Variants in RBPMS observed in about 807,000 individuals in gnomAD.
The protein encoded by RBPMS is RNA binding protein, mRNA processing factor, also known as RNA-binding protein with multiple splicing.
In RBPMS, 7 loss-of-function variants were observed where a neutral mutation model predicts 26.8. The ratio of observed to expected loss-of-function variants is 0.26; its 90% CI spans 0.15 to 0.49. The LOEUF (loss-of-function observed/expected upper bound fraction) is 0.49. Among genes scored for constraint, RBPMS ranks in the 20% least tolerant of loss-of-function variants. The pLI, the probability that RBPMS is intolerant of heterozygous loss-of-function variation, is 0.98. For synonymous variants in RBPMS, 96 were observed against 93.3 expected, an observed-to-expected ratio of 1.03 and a Z score of -0.17; for missense variants, 186 against 250.0, an observed-to-expected ratio of 0.74 and a Z score of 1.73.
intron 1 of RBPMS, among the ~76,000 whole-genome samples, chr8:30,468,185 T>TC (rs1488768505): frequency 6.6e-6 from 1 of 152,210 alleles, no homozygotes; most frequent in African/African-American, 2.4e-5. Context: ...CCAAAAAACT[T>TC]CAAGTATGAA....
intron 6 of RBPMS, among the ~76,000 whole-genome samples, chr8:30,557,653 C>T (rs1437645975): frequency 1.3e-5 from 2 of 152,182 alleles, no homozygotes; most frequent in African/African-American, 2.4e-5. Flanking sequence ...TGCCACCCTG[C>T]GGGAGGGCAT....
chr8:30,488,526 T>C (rs1327814394), intron 4 of RBPMS, among the ~76,000 whole-genome samples: 2 of 152,156 alleles, frequency 1.3e-5, no homozygotes, highest in East Asian at 1.9e-4. Context: ...TCACACCTCT[T>C]AGAATGCTCA....
At chr8:30,561,488 G>C (rs1585894682) in intron 7 of RBPMS, among the ~76,000 whole-genome samples, 1 of 152,282 alleles carries the variant, frequency 6.6e-6, no homozygotes, top group African/African-American at 2.4e-5. Context: ...CGAGGATGAG[G>C]TAACTGGAAA....
At chr8:30,546,955 G>A (rs976344348) in intron 6 of RBPMS, among the ~76,000 whole-genome samples, 1 of 152,146 alleles carries the variant, frequency 6.6e-6, no homozygotes, top group Non-Finnish European at 1.5e-5. Flanking sequence ...CGAGGTGCTG[G>A]CTCACCACAG....
chr8:30,422,124 T>TTTTCA (rs1554509938), intron 1 of RBPMS, among the ~76,000 whole-genome samples: 1 of 150,378 alleles, frequency 6.6e-6, no homozygotes, highest in Admixed American at 6.6e-5. Context: ...TTTTATTTTA[T>TTTTCA]TTTTATTTTA....
chr8:30,563,266 GAC>G (rs1563456941), intron 7 of RBPMS, among the ~76,000 whole-genome samples: 2 of 152,366 alleles, frequency 1.3e-5, no homozygotes, highest in Admixed American at 6.5e-5. Context: ...TAGTGATGCA[GAC>G]ACAGCCTGTG....
chr8:30,517,189 CGTGTGTGTGTGTGTGTGTGT>C (rs56327512), intron 5 of RBPMS, among the ~76,000 whole-genome samples: 90 of 132,562 alleles, frequency 6.8e-4, no homozygotes, highest in African/African-American at 1.9e-3. Flanking sequence ...GCCAAGACCC[CGTGTGTGTGTGTGTGTGTGT>C]GTGTGTGTGT....
rs1821396359 is a variant in RBPMS at position 30,509,766 on chromosome 8, G to C, written c.397+5330G>C. On this transcript the variant is annotated intron_variant, in intron 5 of 8. Coordinates refer to ENST00000397323, the MANE Select transcript of RBPMS (RefSeq NM_001008710.3). ...TAATCAATCTGGGCAGAAGGAACGGGACACAAGGGAATGACTAAAAGTTGC... is the reference window on the plus strand; with the variant it reads ...TAATCAATCTGGGCAGAAGGAACGGCACACAAGGGAATGACTAAAAGTTGC... Among the ~76,000 whole-genome samples the C allele has an allele frequency of 2.0e-5, 3 of 152,172 alleles. No individual in the cohort carries two copies. The South Asian group carries it at 6.2e-4, about 32-fold the overall frequency.
chr8:30,540,076 G>C lies in RBPMS; in HGVS notation c.398-4418G>C, dbSNP rs1041039126. ...ACAGAGAAAGCAGTCTTCTAGACTA[G>C]CAGTGCGAGACCAGGCCCCTCCCTG... On this transcript the variant is annotated intron_variant, in intron 5 of 8. Coordinates refer to ENST00000397323, the MANE Select transcript of RBPMS (RefSeq NM_001008710.3). Among the ~76,000 whole-genome samples, 2 of 152,226 alleles carry C rather than the reference G, an allele frequency of 1.3e-5. 1 individual carries two copies. The highest frequency in any genetic ancestry group is 1.3e-4 in the Admixed American group (2 of 15,282).
At chr8:30,468,548 A>T (rs1015076286) in intron 1 of RBPMS, among the ~76,000 whole-genome samples, 3 of 152,126 alleles carry the variant, frequency 2.0e-5, no homozygotes, top group Non-Finnish European at 4.4e-5. Context: ...TTGCCATGTC[A>T]CCAGCTGAAC....
intron 1 of RBPMS, among the ~76,000 whole-genome samples, chr8:30,392,822 G>C (rs1330938375): frequency 6.6e-6 from 1 of 152,190 alleles, no homozygotes; most frequent in Admixed American, 6.5e-5. Context: ...GATGTGGAAA[G>C]GGTAAGAAAA....
At chr8:30,515,864 C>T (rs573795893) in intron 5 of RBPMS, among the ~76,000 whole-genome samples, 2 of 152,162 alleles carry the variant, frequency 1.3e-5, no homozygotes, top group South Asian at 4.2e-4. Context: ...GCTTTGTTGC[C>T]CAGGCTGGTC....
chr8:30,549,518 G>C (rs1364183251), intron 6 of RBPMS: 1 of 1,613,952 alleles, frequency 6.2e-7, no homozygotes, highest in Admixed American at 1.7e-5. Context: ...AGGTCAGACT[G>C]TGAGGAGAAG....
intron 8 of RBPMS, among the ~76,000 whole-genome samples, chr8:30,568,582 G>A (rs1333043430): frequency 1.3e-5 from 2 of 152,222 alleles, no homozygotes; most frequent in Non-Finnish European, 2.9e-5. Flanking sequence ...AAGGAGATTT[G>A]TTCCCTGTCT....
intron 1 of RBPMS, among the ~76,000 whole-genome samples, chr8:30,418,764 A>G (rs1038028994): frequency 6.6e-6 from 1 of 151,992 alleles, no homozygotes; most frequent in Non-Finnish European, 1.5e-5. Flanking sequence ...TTTCTAGTAG[A>G]GACTGGGTTT....
intron 5 of RBPMS, among the ~76,000 whole-genome samples, chr8:30,530,788 T>A (rs1261420321): frequency 1.3e-5 from 2 of 152,112 alleles, no homozygotes; most frequent in African/African-American, 4.8e-5. Flanking sequence ...CTTAAACCCT[T>A]TATCTTTTCA....
At chr8:30,389,065 A>G (rs910192328) in intron 1 of RBPMS, among the ~76,000 whole-genome samples, 6 of 152,210 alleles carry the variant, frequency 3.9e-5, no homozygotes, top group African/African-American at 1.2e-4. Context: ...TTGATGTGGC[A>G]ACCTCAAATT....
chr8:30,544,319 G>A (rs910283980), intron 5 of RBPMS, among the ~76,000 whole-genome samples, 175 bp from the exon 6 acceptor site: 3 of 152,156 alleles, frequency 2.0e-5, no homozygotes, highest in Admixed American at 6.5e-5. Flanking sequence ...TATATTTTTC[G>A]TTCCCTTACT....
intron 4 of RBPMS, among the ~76,000 whole-genome samples, chr8:30,499,215 C>T (rs975451242): frequency 6.6e-6 from 1 of 152,030 alleles, no homozygotes. Flanking sequence ...TGCAGTAAGC[C>T]GCTGAGATCA....
Sources: gnomAD v4.1 joint callset for allele counts (sites outside exome capture counted in the v4.1 genomes callset) on GRCh38, gnomAD v4.1.1 for gene constraint, MANE v1.5 for transcripts, NCBI Gene and HGNC (gene_info 2026-07-23, HGNC 2026-07-21) for gene names.